AATF: variants seen among roughly 807,000 people sequenced by gnomAD.
AATF encodes apoptosis antagonizing transcription factor, also known as protein AATF.
A neutral mutation model predicts 63.7 loss-of-function variants in AATF; 48 were observed. The ratio of observed to expected loss-of-function variants is 0.75; its 90% confidence interval spans 0.60 to 0.96. AATF has a LOEUF of 0.96. Among genes scored for constraint, AATF ranks in the 40% least tolerant of loss-of-function variants. The pLI, the probability that AATF is intolerant of heterozygous loss-of-function variation, is 0.00. For missense variants in AATF, 639 were observed against 685.7 expected, an observed-to-expected ratio of 0.93 and a Z score of 0.76; for synonymous variants, 258 against 247.7, an observed-to-expected ratio of 1.04 and a Z score of -0.39.
intron 10 of AATF, among the ~76,000 whole-genome samples, chr17:37,023,477 G>A (rs973648511): frequency 3.3e-5 from 5 of 151,454 alleles, no homozygotes; most frequent in South Asian, 2.1e-4. Context: ...CATATCCAGA[G>A]GCAGTAAAAT....
intron 8 of AATF, among the ~76,000 whole-genome samples, chr17:37,007,196 A>G (rs2071347689): frequency 6.6e-6 from 1 of 151,874 alleles, no homozygotes. Flanking sequence ...GATTTTAGGA[A>G]TATTATTTTG....
intron 4 of AATF, among the ~76,000 whole-genome samples, chr17:36,983,000 C>T (rs2071138894): frequency 6.6e-6 from 1 of 151,902 alleles, no homozygotes; most frequent in South Asian, 2.1e-4. Flanking sequence ...TTTAAAGTCC[C>T]TTCTGGGAAA....
chr17:36,961,463 T>TATAAA (rs1350802380), intron 4 of AATF, among the ~76,000 whole-genome samples: 2 of 152,236 alleles, frequency 1.3e-5, no homozygotes, highest in Non-Finnish European at 2.9e-5. Context: ...ATGTGATCAA[T>TATAAA]ATAAAAATCT....
At chr17:37,025,387 G>A (rs150827005) in intron 10 of AATF, among the ~76,000 whole-genome samples, 1 of 152,270 alleles carries the variant, frequency 6.6e-6, no homozygotes, top group East Asian at 1.9e-4. Flanking sequence ...GGAGGGTACG[G>A]TGTGACAAGA....
chr17:36,967,427 T>C (rs2070999639), intron 4 of AATF, among the ~76,000 whole-genome samples: 1 of 152,190 alleles, frequency 6.6e-6, no homozygotes, highest in Non-Finnish European at 1.5e-5. Flanking sequence ...CCCAAACTTT[T>C]CTCCAGTTAG....
intron 4 of AATF, 48 bp downstream of exon 4, chr17:36,953,955 A>G (rs756163201): frequency 2.5e-6 from 4 of 1,586,808 alleles, no homozygotes; most frequent in Non-Finnish European, 3.4e-6. Context: ...ACTTTGTCAA[A>G]TGAAGACAGC....
At chr17:36,951,071 A>G (rs1416405208) in intron 2 of AATF, among the ~76,000 whole-genome samples, 1 of 152,194 alleles carries the variant, frequency 6.6e-6, no homozygotes, top group Non-Finnish European at 1.5e-5. Flanking sequence ...TCCCTGCAAA[A>G]GAGTTAGGAG....
rs1244506024 is a variant in AATF at position 37,009,372 on chromosome 17, T to C, written c.1399-9633T>C. Among the ~76,000 whole-genome samples the C allele has an allele frequency of 2.0e-5, 3 of 150,816 alleles. No individual in the cohort carries two copies. The East Asian group carries it at 6.0e-4, about 30-fold the overall frequency. On this transcript the variant is annotated intron_variant, in intron 8 of 11. Coordinates refer to ENST00000619387, the MANE Select transcript of AATF (RefSeq NM_012138.4). ...GTTGGCCAGGCTGGTCTCAAACTCCTGACCTCAGGTTATCCACCCACTTCG... is the reference window on the plus strand; with the variant it reads ...GTTGGCCAGGCTGGTCTCAAACTCCCGACCTCAGGTTATCCACCCACTTCG...
At chr17:36,981,702 C>CTTTT (rs71368433) in intron 4 of AATF, among the ~76,000 whole-genome samples, 2 of 110,478 alleles carry the variant, frequency 1.8e-5, no homozygotes, top group African/African-American at 3.5e-5. Flanking sequence ...TCTTTCTTTT[C>CTTTT]TTTTTTTTTT....
intron 11 of AATF, among the ~76,000 whole-genome samples, chr17:37,049,553 C>T (rs1421026878): frequency 6.7e-6 from 1 of 148,754 alleles, no homozygotes; most frequent in South Asian, 2.1e-4. Context: ...TGCAGCAAGC[C>T]GAGATGGCGC....
intron 8 of AATF, among the ~76,000 whole-genome samples, chr17:37,008,588 G>T (rs1327270392): frequency 6.6e-6 from 1 of 152,182 alleles, no homozygotes; most frequent in African/African-American, 2.4e-5. Flanking sequence ...ACTAGGCTGG[G>T]CATGGTGGCT....
At chr17:36,963,929 C>T (rs1404328887) in intron 4 of AATF, among the ~76,000 whole-genome samples, 1 of 152,082 alleles carries the variant, frequency 6.6e-6, no homozygotes, top group Admixed American at 6.5e-5. Flanking sequence ...GTAACCCTAG[C>T]ACTTTGGGAG....
intron 4 of AATF, among the ~76,000 whole-genome samples, chr17:36,982,841 G>A (rs924459923): frequency 6.6e-6 from 1 of 152,064 alleles, no homozygotes; most frequent in Admixed American, 6.6e-5. Context: ...TCATTAAACA[G>A]TAATTCTCCA....
chr17:37,025,873 G>A (rs2071507031), intron 10 of AATF, among the ~76,000 whole-genome samples: 1 of 152,130 alleles, frequency 6.6e-6, no homozygotes, highest in Non-Finnish European at 1.5e-5. Flanking sequence ...AAAAATTTGA[G>A]GAGAAACTGT....
chr17:37,050,293 G>T (rs181243593), intron 11 of AATF, among the ~76,000 whole-genome samples: 1 of 152,250 alleles, frequency 6.6e-6, no homozygotes, highest in East Asian at 1.9e-4. Context: ...TCACCTTCCC[G>T]ATCTAGCTTC....
chr17:36,949,496 T>C (rs1324966437), intron 1 of AATF, among the ~76,000 whole-genome samples: 1 of 152,218 alleles, frequency 6.6e-6, no homozygotes. Context: ...TCCAGGCCTG[T>C]TGGAGGGAGC....
At chr17:36,998,041 A>G (rs552013129) in intron 8 of AATF, among the ~76,000 whole-genome samples, 2 of 152,312 alleles carry the variant, frequency 1.3e-5, no homozygotes, top group African/African-American at 4.8e-5. Context: ...CAAAGGCATA[A>G]GAATGATACA....
At chr17:37,005,430 T>G (rs536114862) in intron 8 of AATF, among the ~76,000 whole-genome samples, 1 of 152,094 alleles carries the variant, frequency 6.6e-6, no homozygotes, top group Non-Finnish European at 1.5e-5. Context: ...GGCTGAAGAA[T>G]TATTGGCATC....
intron 4 of AATF, among the ~76,000 whole-genome samples, chr17:36,955,444 T>G (rs1021637423): frequency 6.6e-6 from 1 of 152,090 alleles, no homozygotes; most frequent in Admixed American, 6.5e-5. Context: ...GCCATTTATA[T>G]CCCCGCCCCT....
Sources: allele counts gnomAD v4.1 joint callset (sites outside exome capture counted in the v4.1 genomes callset), GRCh38; gene constraint gnomAD v4.1.1; transcripts MANE v1.5; gene names NCBI Gene and HGNC (gene_info 2026-07-23, HGNC 2026-07-21).